BAAT: variants seen among roughly 807,000 people sequenced by gnomAD.
BAAT encodes bile acid CoA: amino acid N-acyltransferase (glycine N-choloyltransferase).
Under a neutral mutation model 18.9 loss-of-function variants are expected in BAAT, and 13 were observed. The ratio of observed to expected loss-of-function variants is 0.69; its 90% CI spans 0.45 to 1.10. BAAT has a LOEUF of 1.10. BAAT is among the 50% of genes least tolerant of loss of function. The probability of loss-of-function intolerance (pLI) is 0.00; values close to 1 mark genes in which losing one functional copy is unlikely to be tolerated. For missense variants in BAAT, 489 were observed against 504.0 expected, an observed-to-expected ratio of 0.97 and a Z score of 0.28; for synonymous variants, 170 against 190.7, an observed-to-expected ratio of 0.89 and a Z score of 0.89.
At chr9:101,372,367 G>GGTGTGT (rs1222514200) in intron 1 of BAAT, among the ~76,000 whole-genome samples, 1 of 151,742 alleles carries the variant, frequency 6.6e-6, no homozygotes, top group Admixed American at 6.6e-5. Context: ...CAAAAGGGGT[G>GGTGTGT]GTGTGTGTAT....
At chr9:101,372,177 G>A (rs1004132587) in intron 1 of BAAT, among the ~76,000 whole-genome samples, 25 of 151,994 alleles carry the variant, frequency 1.6e-4, no homozygotes, top group African/African-American at 5.1e-4. Context: ...GGGGGCAAGG[G>A]CTGAAAAACT....
chr9:101,370,159 C>T (rs955952106), intron 2 of BAAT, among the ~76,000 whole-genome samples: 1 of 151,998 alleles, frequency 6.6e-6, no homozygotes, highest in Admixed American at 6.6e-5. Flanking sequence ...GTTTCCATCA[C>T]ATCAAGATGA....
intron 1 of BAAT, among the ~76,000 whole-genome samples, chr9:101,372,043 C>T (rs889042511): frequency 2.0e-5 from 3 of 152,030 alleles, no homozygotes; most frequent in African/African-American, 7.2e-5. Flanking sequence ...CCTAAGTGAA[C>T]TAATGAAGAA....
intron 2 of BAAT, among the ~76,000 whole-genome samples, chr9:101,369,466 A>C (rs1829889554): frequency 6.6e-6 from 1 of 152,206 alleles, no homozygotes; most frequent in Non-Finnish European, 1.5e-5. Context: ...CAACCTCCTT[A>C]TAACCTCACA....
rs1315545301 is a variant in BAAT, at chr9:101,368,249, G to A, written c.540C>T (p.Leu180=). 6.2e-7 allele frequency: 1 copy of A among 1,613,818 alleles called. No homozygotes were observed. Among genetic ancestry groups the A allele is most frequent in the Non-Finnish European group, 8.5e-7 (1 of 1,180,008 alleles). The change falls in exon 3 of 4, where the codon CTC becomes CTT. Residue 180 remains leucine (L), a synonymous_variant. Transcript: ENST00000259407. ...LGGLLEFRAS[L]LASRGFASLA... ...AGGAGGCGAAGCCACGACTGGCTAGGAGGCTGGCCCGAAATTCAAGCAGCC... is the reference window on the plus strand; with the variant it reads ...AGGAGGCGAAGCCACGACTGGCTAGAAGGCTGGCCCGAAATTCAAGCAGCC...
In BAAT at chr9:101,360,428, G is replaced by T. The variant is rs949062101; in HGVS notation, c.*2000C>A. 1.3e-5 allele frequency: 2 copies of T among 155,494 alleles called. No homozygotes were observed. The highest frequency in any genetic ancestry group is 4.8e-5 in the African/African-American group (2 of 41,444). 9.6% of individuals were successfully genotyped at this position (155,494 alleles called of 1,614,324 possible). A position where few individuals can be genotyped will look rare whatever the true frequency, so the allele number is the denominator to read the frequency against. On this transcript the variant is annotated 3_prime_UTR_variant, in exon 4 of 4. Coordinates refer to ENST00000259407, the MANE Select transcript of BAAT (RefSeq NM_001701.4). ...TACCTGAGACTGGGTAATTTATAAA[G>T]AAAAGAGATTTAATTGGATCATGGT...
At chr9:101,382,174 A>C (rs762450276) in intron 1 of BAAT, among the ~76,000 whole-genome samples, 2 of 152,168 alleles carry the variant, frequency 1.3e-5, no homozygotes, top group Non-Finnish European at 2.9e-5. Context: ...GCTTCTCTAA[A>C]ATAACAATTG....
intron 2 of BAAT, among the ~76,000 whole-genome samples, chr9:101,369,542 G>C (rs150260910): frequency 6.6e-6 from 1 of 152,292 alleles, no homozygotes; most frequent in Non-Finnish European, 1.5e-5. Context: ...AGCACATGCA[G>C]TGTTCAAGAG....
intron 1 of BAAT, among the ~76,000 whole-genome samples, chr9:101,374,799 C>T (rs1205389011): frequency 6.6e-6 from 1 of 151,754 alleles, no homozygotes; most frequent in Non-Finnish European, 1.5e-5. Flanking sequence ...AGGTATATTC[C>T]CTGTTATTGT....
At position 101,362,192 on chromosome 9, in the gene BAAT, T is replaced by A; in HGVS notation, c.*236A>T. The stretch of plus-strand genomic sequence containing the variant: ...TTAGAAGACCTGATGGAAAGAAAAG[T>A]CATGTAAATAATAAGTAAAATGATT... On this transcript the variant is annotated 3_prime_UTR_variant, in exon 4 of 4. Coordinates refer to ENST00000259407, the MANE Select transcript of BAAT (RefSeq NM_001701.4). 1.7e-6 allele frequency: 1 copy of A among 603,196 alleles called. No individual in the cohort carries two copies. The highest frequency in any genetic ancestry group is 2.8e-5 in the East Asian group (1 of 35,394). 37.4% of individuals were successfully genotyped at this position (603,196 alleles called of 1,614,324 possible). A position where few individuals can be genotyped will look rare whatever the true frequency, so the allele number is the denominator to read the frequency against.
Position 101,362,022 on chromosome 9 carries a change from A to T in BAAT, c.*406T>A. On this transcript the variant is annotated 3_prime_UTR_variant, in exon 4 of 4. Transcript: ENST00000259407. ...ATCACTAAAATGATTATAATTTAGT[A>T]TTAATTTTCTCCTGCTGCTCTAATC... The T allele has an allele frequency of 5.3e-6, 1 of 187,528 alleles. No individual in the cohort carries two copies. Among genetic ancestry groups the T allele is most frequent in the Non-Finnish European group, 1.1e-5 (1 of 89,352 alleles). 11.6% of individuals were successfully genotyped at this position (187,528 alleles called of 1,614,324 possible).
chr9:101,382,747 T>C (rs1315861160), intron 1 of BAAT, among the ~76,000 whole-genome samples: 3 of 152,198 alleles, frequency 2.0e-5, no homozygotes, highest in African/African-American at 7.2e-5. Flanking sequence ...GTAACTCAGA[T>C]ATTCACCACC....
intron 3 of BAAT, among the ~76,000 whole-genome samples, chr9:101,365,327 A>T (rs1829807884): frequency 6.6e-6 from 1 of 152,018 alleles, no homozygotes. Context: ...AAACACATGA[A>T]TCAATATACA....
intron 1 of BAAT, among the ~76,000 whole-genome samples, chr9:101,380,449 T>C (rs1160502198): frequency 6.6e-6 from 1 of 152,150 alleles, no homozygotes; most frequent in Admixed American, 6.5e-5. Context: ...TTGTTCAGTG[T>C]CTCAGCTCCC....
intron 3 of BAAT, among the ~76,000 whole-genome samples, chr9:101,367,652 A>AT (rs1023376903): frequency 2.7e-4 from 41 of 152,044 alleles, no homozygotes; most frequent in African/African-American, 9.9e-4. Flanking sequence ...ACACCCAGCT[A>AT]TTTTTTTAGT....
chr9:101,378,089 C>G (rs1392092200), intron 1 of BAAT, among the ~76,000 whole-genome samples: 3 of 152,058 alleles, frequency 2.0e-5, no homozygotes, highest in Non-Finnish European at 2.9e-5. Context: ...AACCACTGCT[C>G]AAGGAAATAA....
intron 2 of BAAT, among the ~76,000 whole-genome samples, chr9:101,370,255 C>T (rs1235366872): frequency 4.7e-5 from 7 of 147,532 alleles, no homozygotes; most frequent in Non-Finnish European, 1.0e-4. Flanking sequence ...TTTTGTCTAA[C>T]ATTTGTTCAT....
chr9:101,362,341 G>A lies in BAAT; in HGVS notation c.*87C>T. ...ATTAATACAAAATGTGTGTGTGGCA[G>A]CTGGGGGAGACATTCCGCCATGAAA... is the stretch of plus-strand genomic sequence containing the variant. On this transcript the variant is annotated 3_prime_UTR_variant, in exon 4 of 4. Transcript: ENST00000259407. The A allele has an allele frequency of 7.5e-7, 1 of 1,335,822 alleles. No individual in the cohort carries two copies. Among genetic ancestry groups the A allele is most frequent in the Non-Finnish European group, 1.1e-6 (1 of 948,732 alleles). 82.7% of individuals were successfully genotyped at this position (1,335,822 alleles called of 1,614,324 possible). A position where few individuals can be genotyped will look rare whatever the true frequency, so the allele number is the denominator to read the frequency against.
intron 1 of BAAT, chr9:101,376,573 C>T (rs965497804): frequency 6.6e-6 from 1 of 152,348 alleles, no homozygotes; most frequent in Non-Finnish European, 1.5e-5. Context: ...GTCACCCTGC[C>T]TCCCACCAAC....
Sources: gnomAD v4.1 joint callset for allele counts (sites outside exome capture counted in the v4.1 genomes callset) on GRCh38, gnomAD v4.1.1 for gene constraint, MANE v1.5 for transcripts, NCBI Gene and HGNC (gene_info 2026-07-23, HGNC 2026-07-21) for gene names.